Variants in RIMS1 observed in about 807,000 individuals in gnomAD.
RIMS1 encodes the protein regulating synaptic membrane exocytosis 1.
RIMS1 carries 83 observed loss-of-function variants against 214.1 expected under a neutral mutation model. The observed-to-expected ratio is 0.39, with a 90% CI of 0.32 to 0.47. The LOEUF is 0.47. Ranked by LOEUF, RIMS1 falls within the 20% of genes least tolerant of loss-of-function variation. The probability of loss-of-function intolerance (pLI) is 0.99; values close to 1 mark genes in which losing one functional copy is unlikely to be tolerated. For synonymous variants in RIMS1, 793 were observed against 786.8 expected, an observed-to-expected ratio of 1.01 and a Z score of -0.13; for missense variants, 2,050 against 2,161.8, an observed-to-expected ratio of 0.95 and a Z score of 1.03.
At chr6:72,196,580 C>CTT (rs61651151) in intron 6 of RIMS1, among the ~76,000 whole-genome samples, 1,462 of 57,182 alleles carry the variant, frequency 0.026, 215 homozygotes, top group South Asian at 0.048. Flanking sequence ...GCCAGCTGCA[C>CTT]TTTTTTTTTT....
At chr6:71,987,587 A>G (rs911841232) in intron 2 of RIMS1, among the ~76,000 whole-genome samples, 1 of 152,104 alleles carries the variant, frequency 6.6e-6, no homozygotes, top group African/African-American at 2.4e-5. Flanking sequence ...ACAAATATCA[A>G]ACACCACAGA....
intron 29 of RIMS1, among the ~76,000 whole-genome samples, chr6:72,371,399 GTA>G (rs1466125330): frequency 1.3e-5 from 2 of 152,198 alleles, no homozygotes; most frequent in African/African-American, 4.8e-5. Flanking sequence ...GCTAAGATGT[GTA>G]AGCAAACTGT....
chr6:72,123,088 C>T (rs113565570), intron 4 of RIMS1, among the ~76,000 whole-genome samples: 18,243 of 151,406 alleles, frequency 0.12, 1,614 homozygotes, highest in South Asian at 0.18. Context: ...AGATCTTTCC[C>T]GCTTTCTCTT....
At chr6:72,057,503 T>C (rs566004879) in intron 2 of RIMS1, among the ~76,000 whole-genome samples, 23 of 149,176 alleles carry the variant, frequency 1.5e-4, no homozygotes, top group East Asian at 1.4e-3. Context: ...TTTTTCTTTT[T>C]TTTTTTTTTT....
At chr6:71,971,836 G>T (rs1795939113) in intron 2 of RIMS1, among the ~76,000 whole-genome samples, 1 of 152,096 alleles carries the variant, frequency 6.6e-6, no homozygotes, top group African/African-American at 2.4e-5. Flanking sequence ...CTCCCACTGG[G>T]TCCCTCCGCC....
chr6:72,071,734 T>A (rs1205620103), intron 2 of RIMS1, among the ~76,000 whole-genome samples: 2 of 152,184 alleles, frequency 1.3e-5, no homozygotes, highest in Non-Finnish European at 2.9e-5. Flanking sequence ...ATAGAAAGAC[T>A]ACACCTAAAT....
intron 32 of RIMS1, among the ~76,000 whole-genome samples, chr6:72,398,576 T>C (rs957580040): frequency 6.6e-6 from 1 of 152,160 alleles, no homozygotes; most frequent in Non-Finnish European, 1.5e-5. Context: ...TTTTTTAAAG[T>C]TTAGTTATGG....
At chr6:72,390,549 G>A in intron 29 of RIMS1, 49 bp from the exon 30 acceptor site, 2 of 1,546,270 alleles carry the variant, frequency 1.3e-6, no homozygotes, top group South Asian at 1.2e-5. Flanking sequence ...ATATTCAGGA[G>A]TAAACTGTCT....
chr6:72,066,926 C>T (rs192234963), intron 2 of RIMS1, among the ~76,000 whole-genome samples: 1 of 152,240 alleles, frequency 6.6e-6, no homozygotes, highest in African/African-American at 2.4e-5. Flanking sequence ...CTAGCTGATA[C>T]GTTACTAAAT....
At chr6:72,368,665 C>A (rs559490931) in intron 29 of RIMS1, among the ~76,000 whole-genome samples, 3 of 152,204 alleles carry the variant, frequency 2.0e-5, no homozygotes, top group Non-Finnish European at 2.9e-5. Context: ...CTTCACAAAG[C>A]ACTCTGGCAG....
intron 2 of RIMS1, among the ~76,000 whole-genome samples, chr6:72,004,200 C>T (rs969979399): frequency 1.3e-5 from 2 of 151,866 alleles, no homozygotes; most frequent in Non-Finnish European, 2.9e-5. Flanking sequence ...GACATGAACT[C>T]ATCATTTTTT....
intron 26 of RIMS1, 121 bp from the exon 27 acceptor site, chr6:72,307,137 A>G: frequency 1.5e-6 from 1 of 657,692 alleles, no homozygotes; most frequent in Non-Finnish European, 2.7e-6. Flanking sequence ...TTTATTAATC[A>G]TGTGTTATTT....
rs9446568 is a variant in RIMS1 at position 72,100,440 on chromosome 6, C to T, written c.471+454C>T. 7.3e-3 allele frequency among the ~76,000 whole-genome samples: 1,105 copies of T among 152,074 alleles called. 15 individuals are homozygous for T. Among genetic ancestry groups the T allele is most frequent in the African/African-American group, 0.026 (1,070 of 41,512 alleles). On this transcript the variant is annotated intron_variant, in intron 4 of 33. Transcript: ENST00000521978. ...AAAGTATAATTATTTTTCTATAGAA[C>T]ACAAGTAGCAGAGTTGTCATACTGA...
At chr6:72,144,889 C>CTT (rs756238541) in intron 4 of RIMS1, among the ~76,000 whole-genome samples, 1 of 145,010 alleles carries the variant, frequency 6.9e-6, no homozygotes, top group South Asian at 2.2e-4. Context: ...TTTCTTTTTT[C>CTT]TTTTTTTTTT....
At chr6:72,183,499 A>G (rs1194688831) in intron 6 of RIMS1, among the ~76,000 whole-genome samples, 3 of 136,128 alleles carry the variant, frequency 2.2e-5, no homozygotes, top group Non-Finnish European at 4.6e-5. Context: ...AATGAAAATT[A>G]TGCCTTATAA....
intron 2 of RIMS1, among the ~76,000 whole-genome samples, chr6:72,007,063 G>T (rs1006162578): frequency 6.6e-6 from 1 of 152,172 alleles, no homozygotes; most frequent in East Asian, 1.9e-4. Context: ...GCCTAACTGG[G>T]AGGCCCCCCC....
chr6:72,334,758 A>G (rs140901590), intron 29 of RIMS1, among the ~76,000 whole-genome samples: 2 of 152,034 alleles, frequency 1.3e-5, no homozygotes, highest in African/African-American at 2.4e-5. Context: ...CATTCTGGAA[A>G]GTACCTATTT....
chr6:72,387,099 C>CT, intron 29 of RIMS1, among the ~76,000 whole-genome samples: 1 of 152,096 alleles, frequency 6.6e-6, no homozygotes, highest in East Asian at 1.9e-4. Context: ...CAGGAAATTT[C>CT]TCATCCATCC....
At chr6:72,258,410 G>A in intron 17 of RIMS1, 129 bp downstream of exon 17, 1 of 1,043,314 alleles carries the variant, frequency 9.6e-7, no homozygotes, top group Non-Finnish European at 1.3e-6. Context: ...TTAATTGTAG[G>A]CAAAATTTTT....
Sources: gnomAD v4.1 joint callset for allele counts (sites outside exome capture counted in the v4.1 genomes callset) on GRCh38, gnomAD v4.1.1 for gene constraint, MANE v1.5 for transcripts, NCBI Gene and HGNC (gene_info 2026-07-23, HGNC 2026-07-21) for gene names.